Variants in TDRP observed in about 807,000 individuals in gnomAD.
TDRP encodes the protein testis development-related protein.
A neutral mutation model predicts 10.5 loss-of-function variants in TDRP; 12 were observed. That is an observed-to-expected ratio of 1.15 (90% CI 0.73 to 1.86). The LOEUF (loss-of-function observed/expected upper bound fraction) is 1.86, where lower values mean the gene tolerates loss of function less well. TDRP is among the 40% of genes most tolerant of loss of function. TDRP has a pLI of 0.00. For synonymous variants in TDRP, 139 were observed against 95.4 expected, an observed-to-expected ratio of 1.46 and a Z score of -2.67; for missense variants, 353 against 229.2, an observed-to-expected ratio of 1.54 and a Z score of -3.49.
chr8:539,636 G>A (rs762177637), intron 1 of TDRP, among the ~76,000 whole-genome samples: 30 of 152,266 alleles, frequency 2.0e-4, no homozygotes, highest in Admixed American at 4.6e-4. Flanking sequence ...GAGAAATAAC[G>A]GAAAACAGTA....
intron 1 of TDRP, among the ~76,000 whole-genome samples, chr8:498,171 C>G (rs1801185213): frequency 6.6e-6 from 1 of 152,116 alleles, no homozygotes; most frequent in Non-Finnish European, 1.5e-5. Flanking sequence ...ACCGTCTTCT[C>G]AGAATGGTAG....
At chr8:505,492 C>T (rs1355968273) in intron 1 of TDRP, among the ~76,000 whole-genome samples, 1 of 152,196 alleles carries the variant, frequency 6.6e-6, no homozygotes, top group Non-Finnish European at 1.5e-5. Flanking sequence ...CTACTGCGAA[C>T]CGAAATCCAG....
chr8:543,078 C>T (rs539243959), intron 1 of TDRP, among the ~76,000 whole-genome samples: 2 of 152,134 alleles, frequency 1.3e-5, no homozygotes, highest in African/African-American at 4.8e-5. Context: ...GAGGCTGAGG[C>T]GGGCGGATCA....
upstream of TDRP, among the ~76,000 whole-genome samples, chr8:545,349 C>T (rs531234185): frequency 1.5e-5 from 2 of 136,692 alleles, no homozygotes; most frequent in East Asian, 4.5e-4. Flanking sequence ...TCCCTGGGTC[C>T]TCCTCTACCC....
intron 1 of TDRP, among the ~76,000 whole-genome samples, chr8:518,960 G>C (rs1801826347): frequency 6.6e-6 from 1 of 152,170 alleles, no homozygotes; most frequent in Admixed American, 6.5e-5. Context: ...TGAGATGACT[G>C]ACAGGAGGCT....
At chr8:502,436 A>G (rs1173123012) in intron 1 of TDRP, among the ~76,000 whole-genome samples, 3 of 152,244 alleles carry the variant, frequency 2.0e-5, no homozygotes, top group Non-Finnish European at 4.4e-5. Flanking sequence ...TGGTGGGGCT[A>G]GGCGGCCATA....
chr8:545,778 G>C (rs964360586), upstream of TDRP: 2 of 151,778 alleles, frequency 1.3e-5, no homozygotes, highest in Non-Finnish European at 1.5e-5. Flanking sequence ...GCTCGGCCCG[G>C]ACTGACGGCG....
intron 1 of TDRP, among the ~76,000 whole-genome samples, chr8:508,178 A>C (rs976589077): frequency 6.6e-6 from 1 of 152,236 alleles, no homozygotes; most frequent in East Asian, 1.9e-4. Context: ...AGAAATTATC[A>C]AAAAGAACCA....
At chr8:544,576 G>C in intron 1 of TDRP, 74 bp downstream of exon 1, 1 of 1,055,750 alleles carries the variant, frequency 9.5e-7, no homozygotes, top group Non-Finnish European at 1.2e-6. Context: ...ACCTCCACCT[G>C]CGCGCCGCCC....
At chr8:533,417 T>A (rs1389792345) in intron 1 of TDRP, among the ~76,000 whole-genome samples, 1 of 152,142 alleles carries the variant, frequency 6.6e-6, no homozygotes, top group Non-Finnish European at 1.5e-5. Flanking sequence ...TGCAGCTGCT[T>A]TTCTGCCTTC....
At chr8:514,225 T>C (rs775399987) in intron 1 of TDRP, among the ~76,000 whole-genome samples, 12 of 152,232 alleles carry the variant, frequency 7.9e-5, no homozygotes, top group Non-Finnish European at 1.8e-4. Flanking sequence ...AGTGTGGTAC[T>C]AGCACATCAA....
intron 1 of TDRP, among the ~76,000 whole-genome samples, chr8:535,625 G>A (rs1411071419): frequency 2.0e-5 from 3 of 152,082 alleles, no homozygotes; most frequent in Admixed American, 6.5e-5. Flanking sequence ...AAAGGCAGAC[G>A]TAAAGCCAAG....
intron 1 of TDRP, among the ~76,000 whole-genome samples, chr8:542,857 C>CAA (rs34967419): frequency 0.044 from 4,689 of 105,524 alleles, 276 homozygotes; most frequent in African/African-American, 0.15. Flanking sequence ...AACTTCATCT[C>CAA]AAAAAAAAAA....
At position 542,104 on chromosome 8, in the gene TDRP, G is replaced by A. The variant is rs577338319; in HGVS notation, c.108+2546C>T. Among the ~76,000 whole-genome samples, 4 of 152,314 alleles carry A rather than the reference G, an allele frequency of 2.6e-5. No individual in the cohort carries two copies. The South Asian group carries it at 6.2e-4, about 24-fold the overall frequency. On this transcript the variant is annotated intron_variant, in intron 1 of 2. Transcript: ENST00000324079. ...GCTAAAAAGAAACGAGCTACAAGCCGTGAAAAGAAATGCAGGAACCTTAAA... is the reference window on the plus strand; with the variant it reads ...GCTAAAAAGAAACGAGCTACAAGCCATGAAAAGAAATGCAGGAACCTTAAA...
chr8:509,121 G>A (rs1461461803), intron 1 of TDRP, among the ~76,000 whole-genome samples: 2 of 152,252 alleles, frequency 1.3e-5, no homozygotes, highest in African/African-American at 4.8e-5. Flanking sequence ...TGGCTTTGCA[G>A]GGTATGGCCC....
At chr8:527,644 A>G (rs1398919249) in intron 1 of TDRP, among the ~76,000 whole-genome samples, 1 of 152,224 alleles carries the variant, frequency 6.6e-6, no homozygotes, top group Non-Finnish European at 1.5e-5. Flanking sequence ...TACCAAGAAC[A>G]TACATTGGGA....
chr8:514,790 C>T (rs1392009483), intron 1 of TDRP, among the ~76,000 whole-genome samples: 1 of 152,044 alleles, frequency 6.6e-6, no homozygotes, highest in African/African-American at 2.4e-5. Flanking sequence ...GCAACGGGAA[C>T]ATGTGTTGAG....
chr8:508,972 C>A (rs1011204133), intron 1 of TDRP, among the ~76,000 whole-genome samples: 1 of 152,234 alleles, frequency 6.6e-6, no homozygotes, highest in Admixed American at 6.5e-5. Flanking sequence ...CTACAGGCCC[C>A]ATGCAGGTCC....
chr8:525,484 T>G (rs1251898845), intron 1 of TDRP, among the ~76,000 whole-genome samples: 1 of 152,164 alleles, frequency 6.6e-6, no homozygotes, highest in Admixed American at 6.6e-5. Flanking sequence ...GACAAACCAA[T>G]TAAAAATAAC....
Sources: allele counts gnomAD v4.1 joint callset (sites outside exome capture counted in the v4.1 genomes callset), GRCh38; gene constraint gnomAD v4.1.1; transcripts MANE v1.5; gene names NCBI Gene and HGNC (gene_info 2026-07-23, HGNC 2026-07-21).